The following GRIK4 variants were observed in gnomAD, a reference collection of about 807,000 sequenced individuals.
GRIK4 encodes the protein glutamate receptor ionotropic, kainate 4.
A neutral mutation model predicts 104.9 loss-of-function variants in GRIK4; 40 were observed. That is an observed-to-expected ratio of 0.38 (90% CI 0.30 to 0.50). The LOEUF (loss-of-function observed/expected upper bound fraction) is 0.50, where lower values mean the gene tolerates loss of function less well. Among genes scored for constraint, GRIK4 ranks in the 20% least tolerant of loss-of-function variants. The pLI is 0.93. For missense variants in GRIK4, 1,047 were observed against 1,308.1 expected, an observed-to-expected ratio of 0.80 and a Z score of 3.08; for synonymous variants, 485 against 524.9, an observed-to-expected ratio of 0.92 and a Z score of 1.04.
At chr11:120,835,973 C>T (rs143672949) in intron 7 of GRIK4, among the ~76,000 whole-genome samples, 141 of 152,306 alleles carry the variant, frequency 9.3e-4, no homozygotes, top group Non-Finnish European at 1.6e-3. Flanking sequence ...TGATTCCTTA[C>T]GACAAATAAA....
At chr11:120,890,223 G>A (rs1412215124) in intron 11 of GRIK4, among the ~76,000 whole-genome samples, 3 of 152,142 alleles carry the variant, frequency 2.0e-5, no homozygotes, top group African/African-American at 7.2e-5. Flanking sequence ...GCTGTACTAT[G>A]GGTAGGCAGG....
chr11:120,922,133 G>A (rs1233918568), intron 13 of GRIK4, among the ~76,000 whole-genome samples: 3 of 152,164 alleles, frequency 2.0e-5, no homozygotes, highest in Non-Finnish European at 4.4e-5. Context: ...TCATTACTGT[G>A]TGCCAGGAAC....
intron 1 of GRIK4, among the ~76,000 whole-genome samples, chr11:120,545,685 G>A (rs1309480435): frequency 1.3e-5 from 2 of 152,206 alleles, no homozygotes; most frequent in Non-Finnish European, 2.9e-5. Context: ...AACAACAGTG[G>A]CAATGGATTT....
chr11:120,547,398 GA>G (rs1191713401), intron 1 of GRIK4, among the ~76,000 whole-genome samples: 1 of 152,230 alleles, frequency 6.6e-6, no homozygotes, highest in Non-Finnish European at 1.5e-5. Flanking sequence ...AGTACAGAGG[GA>G]TGAGTGAATA....
At chr11:120,773,001 T>C (rs1205710841) in intron 3 of GRIK4, among the ~76,000 whole-genome samples, 1 of 152,200 alleles carries the variant, frequency 6.6e-6, no homozygotes, top group African/African-American at 2.4e-5. Flanking sequence ...CATCTAGAGA[T>C]TGAGTACTAT....
rs1943708283 is a variant in GRIK4, at chr11:120,940,891, C to T, written c.1590+431C>T. On this transcript the variant is annotated intron_variant, in intron 14 of 20. Coordinates refer to ENST00000527524, the MANE Select transcript of GRIK4 (RefSeq NM_014619.5). The surrounding 1 kb of genome is among the most constrained non-coding windows in gnomAD (Gnocchi z 4.3). The stretch of plus-strand genomic sequence containing the variant: ...GATTCCTTCTCTCTCGATGATCTGT[C>T]CTGGAGAATAAATGGTAGATAATTT... Among the ~76,000 whole-genome samples, 1 of 152,204 alleles carries T rather than the reference C, an allele frequency of 6.6e-6. No individual in the cohort carries two copies. The highest frequency in any genetic ancestry group is 6.5e-5 in the Admixed American group (1 of 15,272).
intron 1 of GRIK4, among the ~76,000 whole-genome samples, chr11:120,630,912 G>A (rs1006354157): frequency 1.9e-4 from 29 of 152,238 alleles, no homozygotes; most frequent in African/African-American, 4.1e-4. Context: ...AGTGTACCTG[G>A]GCGATCTCTG....
intron 9 of GRIK4, among the ~76,000 whole-genome samples, chr11:120,866,539 ACCTCCCAAGG>A (rs766783711): frequency 9.9e-5 from 15 of 151,910 alleles, no homozygotes; most frequent in Non-Finnish European, 1.8e-4. Flanking sequence ...CCAATGTCAG[ACCTCCCAAGG>A]CCTCAGCATC....
intron 1 of GRIK4, among the ~76,000 whole-genome samples, chr11:120,577,597 A>G (rs1021680534): frequency 1.3e-5 from 2 of 152,166 alleles, no homozygotes; most frequent in Non-Finnish European, 2.9e-5. Context: ...ATTTCCTGCC[A>G]GGCAGAGGGA....
At chr11:120,779,675 T>G (rs1308256321) in intron 3 of GRIK4, among the ~76,000 whole-genome samples, 1 of 152,184 alleles carries the variant, frequency 6.6e-6, no homozygotes, top group South Asian at 2.1e-4. Context: ...ATGCCCACCA[T>G]ATAAGGCAGA....
rs562124583 is a variant in GRIK4 at position 120,792,253 on chromosome 11, C to CGTGT, written c.83-10429_83-10426dup. Among the ~76,000 whole-genome samples, 816 of 148,994 alleles carry CGTGT rather than the reference C, an allele frequency of 5.5e-3. 5 individuals are homozygous for CGTGT. The highest frequency in any genetic ancestry group is 8.6e-3 in the Non-Finnish European group (579 of 67,108). On this transcript the variant is annotated intron_variant, in intron 3 of 20. Coordinates refer to ENST00000527524, the MANE Select transcript of GRIK4 (RefSeq NM_014619.5). ...GCAGCACCGTGTGTGTGTGTGTGTGCGTGTGTGTGTGTGTAAGGGGTGCTA... is the reference window on the plus strand; with the variant it reads ...GCAGCACCGTGTGTGTGTGTGTGTGCGTGTGTGTGTGTGTGTGTAAGGGGTGCTA...
At position 120,987,350 on chromosome 11, in the gene GRIK4, A is replaced by G. The variant is rs1944773074; in HGVS notation, c.*1090A>G. 6.6e-6 allele frequency: 1 copy of G among 152,198 alleles called. No homozygotes were observed. Among genetic ancestry groups the G allele is most frequent in the Non-Finnish European group, 1.5e-5 (1 of 68,050 alleles). 9.4% of individuals were successfully genotyped at this position (152,198 alleles called of 1,614,324 possible). A position where few individuals can be genotyped will look rare whatever the true frequency, so the allele number is the denominator to read the frequency against. On this transcript the variant is annotated 3_prime_UTR_variant, in exon 21 of 21. Coordinates refer to ENST00000527524, the MANE Select transcript of GRIK4 (RefSeq NM_014619.5). ...TGTCAACTGCATCTCTTTTCAACCA[A>G]ACTCAAATGAGTGGCTGCCTATGAA...
At chr11:120,889,589 A>ATTTT (rs369264259) in intron 11 of GRIK4, among the ~76,000 whole-genome samples, 673 of 62,422 alleles carry the variant, frequency 0.011, 81 homozygotes, top group African/African-American at 0.024. Context: ...AAGAGCTTAC[A>ATTTT]TTTTTTTTTT....
chr11:120,671,204 T>C (rs973723175), intron 3 of GRIK4, among the ~76,000 whole-genome samples: 11 of 152,182 alleles, frequency 7.2e-5, no homozygotes, highest in Non-Finnish European at 5.9e-5. Context: ...TTATAATCCT[T>C]TGGGTATATA....
At position 120,967,921 on chromosome 11, in the gene GRIK4, T is replaced by C. The variant is rs1944411938; in HGVS notation, c.2395+598T>C. Among the ~76,000 whole-genome samples, 1 of 151,968 alleles carries C rather than the reference T, an allele frequency of 6.6e-6. No individual in the cohort carries two copies. Among genetic ancestry groups the C allele is most frequent in the Non-Finnish European group, 1.5e-5 (1 of 67,974 alleles). ...GGCCTTCCCTCGAAGAGCTCTTCAC[T>C]CCCACCCTACACATTTCTCTCCATC... On this transcript the variant is annotated intron_variant, in intron 19 of 20. Transcript: ENST00000527524. This position sits in a 1 kb window ranked among gnomAD's most constrained non-coding sequence, Gnocchi z 4.2.
At chr11:120,746,895 C>G (rs1222650191) in intron 3 of GRIK4, among the ~76,000 whole-genome samples, 1 of 152,176 alleles carries the variant, frequency 6.6e-6, no homozygotes, top group Non-Finnish European at 1.5e-5. Context: ...GAAAATTCAG[C>G]AGAATGTTGA....
intron 3 of GRIK4, among the ~76,000 whole-genome samples, chr11:120,702,722 T>C (rs1950572393): frequency 6.6e-6 from 1 of 152,178 alleles, no homozygotes; most frequent in African/African-American, 2.4e-5. Context: ...AGACGAGGAC[T>C]GACAGGTGGG....
intron 3 of GRIK4, among the ~76,000 whole-genome samples, chr11:120,734,833 G>T (rs1005242571): frequency 6.6e-6 from 1 of 152,104 alleles, no homozygotes; most frequent in Non-Finnish European, 1.5e-5. Flanking sequence ...GCATTCCTCA[G>T]TATATCAATT....
intron 1 of GRIK4, among the ~76,000 whole-genome samples, chr11:120,617,407 T>C (rs1390117482): frequency 6.6e-6 from 1 of 152,040 alleles, no homozygotes; most frequent in African/African-American, 2.4e-5. Context: ...TGAGGCAGGA[T>C]CTAACTCTGT....
Sources: allele counts gnomAD v4.1 joint callset (sites outside exome capture counted in the v4.1 genomes callset), GRCh38; gene constraint gnomAD v4.1.1; non-coding constraint Gnocchi (gnomAD v3.1); transcripts MANE v1.5; gene names NCBI Gene and HGNC (gene_info 2026-07-23, HGNC 2026-07-21).